Variants in MVB12A observed in about 807,000 individuals in gnomAD.
MVB12A encodes the protein CIN85/CD2AP family binding protein.
In MVB12A, 30 loss-of-function variants were observed where a neutral mutation model predicts 34.3. That is an observed-to-expected ratio of 0.88 (90% CI 0.65 to 1.19). The LOEUF (loss-of-function observed/expected upper bound fraction) is 1.19. Among genes scored for constraint, MVB12A ranks in the 50% most tolerant of loss-of-function variants. The probability of loss-of-function intolerance (pLI) is 0.00; values close to 1 mark genes in which losing one functional copy is unlikely to be tolerated. For missense variants in MVB12A, 355 were observed against 369.2 expected, an observed-to-expected ratio of 0.96 and a Z score of 0.31; for synonymous variants, 158 against 158.9, an observed-to-expected ratio of 0.99 and a Z score of 0.04.
intron 2 of MVB12A, among the ~76,000 whole-genome samples, chr19:17,408,940 T>G (rs1232680947): frequency 3.3e-5 from 5 of 149,494 alleles, no homozygotes; most frequent in African/African-American, 4.9e-5. Flanking sequence ...GCGATTCTCC[T>G]GCCTCAGCCT....
intron 2 of MVB12A, among the ~76,000 whole-genome samples, chr19:17,408,291 A>G (rs2074741688): frequency 6.6e-6 from 1 of 151,858 alleles, no homozygotes; most frequent in Non-Finnish European, 1.5e-5. Flanking sequence ...CTGCAATCCT[A>G]GTACTTTGGG....
At chr19:17,410,973 A>AT (rs1223753936) in intron 2 of MVB12A, among the ~76,000 whole-genome samples, 8 of 143,558 alleles carry the variant, frequency 5.6e-5, no homozygotes, top group African/African-American at 1.0e-4. Context: ...ATTTTATTTT[A>AT]TTTATTTATT....
chr19:17,419,255 G>T (rs754284755), upstream of MVB12A: 1 of 152,090 alleles, frequency 6.6e-6, no homozygotes, highest in African/African-American at 2.4e-5. Flanking sequence ...GAGGGAGAAG[G>T]GGCAGTTAGA....
Position 17,423,553 on chromosome 19 carries a change from C to G in MVB12A, c.469C>G (p.Pro157Ala), listed in dbSNP as rs748683897. ...CKKAKAPRPV[P>A]KPRGLSRDMQ... is the part of the protein sequence containing the mutation. The stretch of plus-strand genomic sequence containing the variant: ...GAAGGCCAAGGCCCCGAGGCCAGTG[C>G]CCAAGCCCCGAGGTCTCAGCCGGGA... The change falls in exon 5 of 9, where the codon CCC becomes GCC. Residue 157 changes from proline to alanine, a missense_variant. Physicochemically the swap from Pro to Ala is conservative, Grantham distance 27. Transcript: ENST00000317040. 1 of 1,614,034 alleles carries G rather than the reference C, an allele frequency of 6.2e-7. No individual in the cohort carries two copies. The highest frequency in any genetic ancestry group is 1.1e-5 in the South Asian group (1 of 91,074).
intron 5 of MVB12A, 33 bp downstream of exon 5, chr19:17,423,650 G>A (rs764159332): frequency 1.5e-5 from 24 of 1,613,212 alleles, no homozygotes; most frequent in East Asian, 1.1e-4. Flanking sequence ...GGGGGTGGCC[G>A]TTGTGGGAGG....
chr19:17,405,943 CA>C, intron 1 of MVB12A: 1 of 169,432 alleles, frequency 5.9e-6, no homozygotes, highest in Non-Finnish European at 1.3e-5. Context: ...CCTGAAGAGG[CA>C]GAGGCCATCA....
Position 17,424,039 on chromosome 19 carries a change from G to A in MVB12A, c.674G>A (p.Arg225Gln), listed in dbSNP as rs149774857. The change falls in exon 7 of 9, where the codon CGA becomes CAA. Residue 225 changes from arginine to glutamine, a missense_variant. Transcript: ENST00000317040. ...MDGVPFTLHP[R>Q]FEGKSCSPLA... ...GGGGTTCCCTTCACACTCCACCCAC[G>A]ATTTGAGGGCAAGAGCTGCAGCCCC... 103 of 1,613,990 alleles carry A rather than the reference G, an allele frequency of 6.4e-5. No homozygotes were observed. The highest frequency in any genetic ancestry group is 1.6e-4 in the Middle Eastern group (1 of 6,084).
chr19:17,423,448 C>T (rs1388229763), intron 4 of MVB12A, 50 bp from the exon 5 acceptor site: 2 of 1,596,536 alleles, frequency 1.3e-6, no homozygotes, highest in Non-Finnish European at 8.5e-7. Context: ...TATCCTCAAC[C>T]CTGGCCCCAC....
intron 2 of MVB12A, among the ~76,000 whole-genome samples, chr19:17,412,114 C>T (rs2074772926): frequency 6.6e-6 from 1 of 152,200 alleles, no homozygotes; most frequent in African/African-American, 2.4e-5. Flanking sequence ...TGATCAAGCC[C>T]CAAGTGTCAG....
intron 2 of MVB12A, among the ~76,000 whole-genome samples, chr19:17,409,471 G>A (rs957535385): frequency 6.2e-5 from 6 of 96,252 alleles, no homozygotes; most frequent in African/African-American, 2.5e-4. Flanking sequence ...TTTTTGAGAT[G>A]GAATTTCACT....
upstream of MVB12A, chr19:17,418,210 G>A (rs1349983103): frequency 6.3e-6 from 1 of 159,686 alleles, no homozygotes; most frequent in Non-Finnish European, 1.4e-5. Flanking sequence ...TTCTTCTTAT[G>A]TTCTTCTCTG....
chr19:17,412,713 T>G (rs1315074964), intron 2 of MVB12A, among the ~76,000 whole-genome samples: 1 of 152,210 alleles, frequency 6.6e-6, no homozygotes, highest in Non-Finnish European at 1.5e-5. Context: ...TCTCATCAGT[T>G]ACATTATTCT....
intron 2 of MVB12A, among the ~76,000 whole-genome samples, chr19:17,410,529 T>TACACACACACACACAC (rs1185077317): frequency 1.5e-4 from 11 of 74,434 alleles, no homozygotes; most frequent in African/African-American, 6.0e-4. Context: ...TATATATATA[T>TACACACACACACACAC]ACACACACAC....
At chr19:17,411,850 T>C (rs944968120) in intron 2 of MVB12A, among the ~76,000 whole-genome samples, 3 of 152,178 alleles carry the variant, frequency 2.0e-5, no homozygotes, top group African/African-American at 7.2e-5. Flanking sequence ...AGCTGTTTCA[T>C]TTCTGTTTAT....
chr19:17,420,015 G>GGCCCC (rs1555735862), upstream of MVB12A: 122 of 225,160 alleles, frequency 5.4e-4, 1 homozygote, highest in South Asian at 2.3e-3. Context: ...GGCAATCTCC[G>GGCCCC]CCCCCCCCCC....
At chr19:17,420,016 C>CGGGGGGGGGGGG, upstream of MVB12A, 2 of 290,406 alleles carry the variant, frequency 6.9e-6, no homozygotes, top group Admixed American at 6.1e-5. Context: ...GCAATCTCCG[C>CGGGGGGGGGGGG]CCCCCCCCCC....
chr19:17,409,679 G>A (rs1316684213), intron 2 of MVB12A, among the ~76,000 whole-genome samples: 2 of 151,012 alleles, frequency 1.3e-5, no homozygotes, highest in East Asian at 1.9e-4. Context: ...TCAAACTCCC[G>A]ACCTCAGGTG....
Position 17,425,001 on chromosome 19 carries a change from CCCTT to C in MVB12A, c.*11_*14del. 1.3e-6 allele frequency: 2 copies of C among 1,590,158 alleles called. No individual in the cohort carries two copies. The highest frequency in any genetic ancestry group is 1.7e-6 in the Non-Finnish European group (2 of 1,165,556). ...CCCCCCAGCGTCTCATAGTCCCTCA[CCCTT>C]CCGCGGAAAGAGCCCCCTTACTCCA... is the stretch of plus-strand genomic sequence containing the variant. On this transcript the variant is annotated 3_prime_UTR_variant, in exon 9 of 9. Coordinates refer to ENST00000317040, the MANE Select transcript of MVB12A (RefSeq NM_138401.4).
intron 2 of MVB12A, among the ~76,000 whole-genome samples, chr19:17,406,560 G>A (rs1034998531): frequency 1.3e-5 from 2 of 151,912 alleles, no homozygotes; most frequent in African/African-American, 4.8e-5. Context: ...GACAGTAGGC[G>A]AGGTCAAGTC....
Sources: gnomAD v4.1 joint callset for allele counts (sites outside exome capture counted in the v4.1 genomes callset) on GRCh38, gnomAD v4.1.1 for gene constraint, MANE v1.5 for transcripts, NCBI Gene and HGNC (gene_info 2026-07-23, HGNC 2026-07-21) for gene names.